Variants in POLN observed in about 807,000 individuals in gnomAD.
POLN encodes DNA polymerase nu.
POLN carries 108 observed loss-of-function variants against 113.5 expected under a neutral mutation model. The observed-to-expected ratio is 0.95, with a 90% CI of 0.81 to 1.12. POLN has a LOEUF of 1.12. Ranked by LOEUF, POLN falls within the 50% of genes most tolerant of loss-of-function variation. The pLI is 0.00. For synonymous variants in POLN, 386 were observed against 391.5 expected (o/e 0.99, Z 0.17); for missense variants, 1,097 against 1,077.1 (o/e 1.02, Z -0.26).
At chr4:2,176,144 T>C in intron 9 of POLN, 122 bp downstream of exon 9, 2 of 795,308 alleles carry the variant, frequency 2.5e-6, no homozygotes, top group Non-Finnish European at 4.3e-6. Flanking sequence ...CACAGGTTAA[T>C]TTGTTCTTAG....
intron 16 of POLN, among the ~76,000 whole-genome samples, chr4:2,146,452 C>T (rs955879797): frequency 1.3e-5 from 2 of 152,198 alleles, no homozygotes; most frequent in African/African-American, 4.8e-5. Flanking sequence ...TTGCAGTGAG[C>T]CAAGATTGCG....
In POLN at chr4:2,075,490, AG is replaced by A; in HGVS notation, c.2416del (p.Leu806CysfsTer39). 1 of 1,613,548 alleles carries A rather than the reference AG, an allele frequency of 6.2e-7. No individual in the cohort carries two copies. The highest frequency in any genetic ancestry group is 1.7e-5 in the Admixed American group (1 of 60,030). On this transcript the variant is annotated frameshift_variant, in exon 24 of 26. Transcript: ENST00000511885. LOFTEE classifies it high-confidence loss of function. ...RLVAQIHDEL[L>X]FEVEDPQIPE... is the part of the protein sequence containing the mutation. ...GATCTGCGGATCTTCCACTTCAAAC[AG>A]CAGCTCATCATGGATCTGGGCCACC... is the stretch of plus-strand genomic sequence containing the variant.
intron 13 of POLN, 71 bp from the exon 14 acceptor site, chr4:2,159,282 G>C (rs1003691141): frequency 1.6e-6 from 2 of 1,259,710 alleles, no homozygotes; most frequent in African/African-American, 3.0e-5. Context: ...TTTTCATCTG[G>C]AGAAAGTCCT....
At chr4:2,223,439 G>T (rs1734310521) in intron 3 of POLN, among the ~76,000 whole-genome samples, 1 of 152,190 alleles carries the variant, frequency 6.6e-6, no homozygotes, top group Non-Finnish European at 1.5e-5. Flanking sequence ...ATAATAGGTT[G>T]CGAGCTCCTT....
chr4:2,201,172 C>T (rs1733700614), intron 5 of POLN, among the ~76,000 whole-genome samples: 1 of 143,724 alleles, frequency 7.0e-6, no homozygotes. Context: ...GAGGCTGAGG[C>T]AGGAGAATCG....
At chr4:2,072,659 T>C (rs1730177330) in intron 25 of POLN, among the ~76,000 whole-genome samples, 1 of 152,000 alleles carries the variant, frequency 6.6e-6, no homozygotes, top group Non-Finnish European at 1.5e-5. Context: ...CCCGGGAGGA[T>C]TGGTGGCTCC....
At position 2,241,724 on chromosome 4, in the gene POLN, A is replaced by G; in HGVS notation, c.-217T>C. The G allele has an allele frequency of 3.0e-6, 3 of 985,502 alleles. No homozygotes were observed. The highest frequency in any genetic ancestry group is 3.6e-6 in the Non-Finnish European group (3 of 829,948). 61.0% of individuals were successfully genotyped at this position (985,502 alleles called of 1,614,324 possible). ...AGGGATCCGCGGCCCCAAGGCCGCGATACACCAGACGCGCCAGCGGCAAAA... is the reference window on the plus strand; with the variant it reads ...AGGGATCCGCGGCCCCAAGGCCGCGGTACACCAGACGCGCCAGCGGCAAAA... On this transcript the variant is annotated 5_prime_UTR_variant, in exon 2 of 26. Coordinates refer to ENST00000511885, the MANE Select transcript of POLN (RefSeq NM_181808.4).
At chr4:2,178,125 G>A (rs1733038592) in intron 8 of POLN, among the ~76,000 whole-genome samples, 1 of 152,224 alleles carries the variant, frequency 6.6e-6, no homozygotes, top group African/African-American at 2.4e-5. Flanking sequence ...AAGTACATGA[G>A]GCAAATATCC....
chr4:2,079,353 G>T (rs1276041616), intron 23 of POLN: 4 of 884,698 alleles, frequency 4.5e-6, no homozygotes, highest in Non-Finnish European at 5.4e-6. Context: ...TAATTTACCT[G>T]CAGAAACTGT....
intron 16 of POLN, among the ~76,000 whole-genome samples, chr4:2,151,400 T>C (rs776055521): frequency 6.6e-6 from 1 of 152,026 alleles, no homozygotes; most frequent in East Asian, 1.9e-4. Context: ...AAAAACAGTT[T>C]GGCAGTTGCT....
Position 2,169,095 on chromosome 4 carries a change from G to A in POLN, c.1554+1584C>T, listed in dbSNP as rs1024621016. On this transcript the variant is annotated intron_variant, in intron 13 of 25. Transcript: ENST00000511885. Reference sequence around the variant, plus strand: ...GAAAAATTTGTGGCACGAGTCTGGGGACAGAGAAGGAGCTGGCGCACAGAG... The same window carrying A: ...GAAAAATTTGTGGCACGAGTCTGGGAACAGAGAAGGAGCTGGCGCACAGAG... Among the ~76,000 whole-genome samples the A allele has an allele frequency of 2.0e-5, 3 of 152,204 alleles. 1 individual carries two copies. Among genetic ancestry groups the A allele is most frequent in the East Asian group, 1.9e-4 (1 of 5,176 alleles).
In POLN at chr4:2,102,059, G is replaced by C. The variant is rs35567815; in HGVS notation, c.1983-6126C>G. Among the ~76,000 whole-genome samples the C allele has an allele frequency of 6.1e-3, 928 of 152,274 alleles. 21 individuals are homozygous for C. Among genetic ancestry groups the C allele is most frequent in the Admixed American group, 0.044 (680 of 15,296 alleles). On this transcript the variant is annotated intron_variant, in intron 19 of 25. Transcript: ENST00000511885. ...AGCCAAGGCTGTGATCACTGGAACA[G>C]GCCCTAACTCCCACAGCAGGACCTC...
At chr4:2,192,927 T>A (rs1733487491) in intron 7 of POLN, among the ~76,000 whole-genome samples, 2 of 152,150 alleles carry the variant, frequency 1.3e-5, no homozygotes, top group African/African-American at 2.4e-5. Context: ...TTATAAGCTA[T>A]TTGTGGTAAC....
intron 19 of POLN, among the ~76,000 whole-genome samples, chr4:2,125,731 T>A (rs939436576): frequency 5.9e-5 from 9 of 152,170 alleles, no homozygotes; most frequent in African/African-American, 2.2e-4. Context: ...CCGGGATCCA[T>A]CCTGCGACCT....
chr4:2,201,927 T>C (rs1487031353), intron 5 of POLN, among the ~76,000 whole-genome samples: 1 of 152,112 alleles, frequency 6.6e-6, no homozygotes, highest in Non-Finnish European at 1.5e-5. Context: ...GAAACTAAGC[T>C]TCATAAATGA....
intron 19 of POLN, among the ~76,000 whole-genome samples, chr4:2,106,767 A>G (rs769442327): frequency 2.7e-4 from 41 of 152,032 alleles, no homozygotes; most frequent in Non-Finnish European, 4.9e-4. Context: ...GTTTTTATTC[A>G]TACCACTGTG....
At chr4:2,216,085 G>C (rs61792595) in intron 3 of POLN, among the ~76,000 whole-genome samples, 1 of 152,152 alleles carries the variant, frequency 6.6e-6, no homozygotes, top group African/African-American at 2.4e-5. Context: ...CCTGCCCCCA[G>C]TTATGTAGTA....
At chr4:2,094,914 G>C (rs1328353649) in intron 20 of POLN, among the ~76,000 whole-genome samples, 3 of 152,134 alleles carry the variant, frequency 2.0e-5, no homozygotes, top group South Asian at 2.1e-4. Context: ...ATAAACAAAG[G>C]GTTTCCATGG....
intron 5 of POLN, among the ~76,000 whole-genome samples, chr4:2,203,441 G>C (rs966196873): frequency 6.6e-6 from 1 of 151,972 alleles, no homozygotes; most frequent in Non-Finnish European, 1.5e-5. Context: ...TTAGCCAGGT[G>C]TGGTGGCTTG....
Sources: gnomAD v4.1 joint callset for allele counts (sites outside exome capture counted in the v4.1 genomes callset) on GRCh38, gnomAD v4.1.1 for gene constraint, MANE v1.5 for transcripts, NCBI Gene and HGNC (gene_info 2026-07-23, HGNC 2026-07-21) for gene names.